The following SATB2 variants were observed in gnomAD, a reference collection of about 807,000 sequenced individuals.
SATB2 encodes the protein SATB homeobox 2, also known as DNA-binding protein SATB2.
A neutral mutation model predicts 73.4 loss-of-function variants in SATB2; 1 was observed. The observed-to-expected ratio is 0.01, with a 90% CI of 0.00 to 0.06. SATB2 has a LOEUF of 0.06. Ranked by LOEUF, SATB2 falls within the 10% of genes least tolerant of loss-of-function variation. SATB2 has a pLI of 1.00. For missense variants in SATB2, 459 were observed against 945.8 expected (o/e 0.49, Z 6.75); for synonymous variants, 397 against 367.0 (o/e 1.08, Z -0.93).
At chr2:199,288,719 T>C (rs1417409879) in intron 10 of SATB2, among the ~76,000 whole-genome samples, 1 of 152,168 alleles carries the variant, frequency 6.6e-6, no homozygotes. Context: ...ATTCCTTTTA[T>C]AGAAAGTAAA....
rs921986235 is a variant in SATB2, at chr2:199,428,146, T to C, written c.346+5192A>G. ...ATATGTTCTATTTTTGTATCAGGAC[T>C]CATTTTGGTCACATAAGCAAGAATT... is the stretch of plus-strand genomic sequence containing the variant. On this transcript the variant is annotated intron_variant, in intron 3 of 10. Coordinates refer to ENST00000417098, the MANE Select transcript of SATB2 (RefSeq NM_001172509.2). 3.9e-5 allele frequency among the ~76,000 whole-genome samples: 6 copies of C among 152,294 alleles called. No homozygotes were observed. The East Asian group carries it at 1.2e-3, about 29-fold the overall frequency.
Position 199,298,174 on chromosome 2 carries a change from A to G in SATB2, c.1740+10586T>C, listed in dbSNP as rs201669473. Among the ~76,000 whole-genome samples the G allele has an allele frequency of 5.9e-5, 9 of 152,324 alleles. No individual in the cohort carries two copies. In the East Asian group the frequency reaches 1.7e-3, roughly 29 times the overall value. On this transcript the variant is annotated intron_variant, in intron 10 of 10. Coordinates refer to ENST00000417098, the MANE Select transcript of SATB2 (RefSeq NM_001172509.2). The stretch of plus-strand genomic sequence containing the variant: ...CGCTCAGAAGCTACTAACATTTCTC[A>G]GGTGCCTTCTATGCAATCACCATCT...
intron 3 of SATB2, among the ~76,000 whole-genome samples, chr2:199,403,499 G>A (rs1176022623): frequency 6.6e-6 from 1 of 152,050 alleles, no homozygotes; most frequent in African/African-American, 2.4e-5. Context: ...TGGGTCACAG[G>A]TAACACCAAG....
rs1352314973 is a variant in SATB2, at chr2:199,457,079, G to A, written c.-60+260C>T. Among the ~76,000 whole-genome samples the A allele has an allele frequency of 6.6e-6, 1 of 152,212 alleles. No homozygotes were observed. Among genetic ancestry groups the A allele is most frequent in the East Asian group, 1.9e-4 (1 of 5,166 alleles). Reference sequence around the variant, plus strand: ...CCCGGCACCGTACTGCGTGCGCGCTGGGAATCCTCGTGGGCGCTCTGGCCG... The same window carrying A: ...CCCGGCACCGTACTGCGTGCGCGCTAGGAATCCTCGTGGGCGCTCTGGCCG... On this transcript the variant is annotated intron_variant, in intron 1 of 10. Coordinates refer to ENST00000417098, the MANE Select transcript of SATB2 (RefSeq NM_001172509.2). This position sits in a 1 kb window ranked among gnomAD's most constrained non-coding sequence, Gnocchi z 4.8.
At chr2:199,372,362 A>T (rs1286834955) in intron 5 of SATB2, among the ~76,000 whole-genome samples, 1 of 152,224 alleles carries the variant, frequency 6.6e-6, no homozygotes, top group Non-Finnish European at 1.5e-5. Context: ...GCCAAACTGC[A>T]AGAGAATAAA....
At position 199,433,501 on chromosome 2, in the gene SATB2, A is replaced by G. The variant is rs768326580; in HGVS notation, c.183T>C (p.Pro61=). 1 of 1,614,204 alleles carries G rather than the reference A, an allele frequency of 6.2e-7. No individual in the cohort carries two copies. Among genetic ancestry groups the G allele is most frequent in the Non-Finnish European group, 8.5e-7 (1 of 1,180,020 alleles). ...VAKAVGGLMI[P]VFCVVEQLDG... ...CCAACTGCTCCACGACACAAAAGAC[A>G]GGAATCATCAAACCTGAAGGGACAA... Residue 61 remains proline (P), a synonymous_variant, in exon 3 of 11, where the codon CCT becomes CCC. Coordinates refer to ENST00000417098, the MANE Select transcript of SATB2 (RefSeq NM_001172509.2).
At chr2:199,458,753 C>G (rs1252490455), upstream of SATB2, 2 of 418,494 alleles carry the variant, frequency 4.8e-6, no homozygotes, top group Non-Finnish European at 4.7e-6. Context: ...TCGCCTCCCC[C>G]ACCCACCGCC....
intron 3 of SATB2, among the ~76,000 whole-genome samples, chr2:199,386,761 CA>C (rs1559022139): frequency 4.0e-5 from 5 of 124,902 alleles, no homozygotes; most frequent in South Asian, 2.7e-4. Flanking sequence ...CACACACACA[CA>C]CACACCTTTG....
At chr2:199,437,265 G>A (rs992351096) in intron 2 of SATB2, among the ~76,000 whole-genome samples, 3 of 152,030 alleles carry the variant, frequency 2.0e-5, no homozygotes, top group Non-Finnish European at 2.9e-5. Context: ...ACAGGCGCTC[G>A]GCCTCAGCCA....
chr2:199,327,959 TGCCC>T (rs1688077353), intron 8 of SATB2, among the ~76,000 whole-genome samples: 2 of 152,266 alleles, frequency 1.3e-5, no homozygotes, highest in South Asian at 4.1e-4. Context: ...CTCTGCCCCC[TGCCC>T]TCAGCCACCT....
chr2:199,393,919 T>A (rs527585986), intron 3 of SATB2, among the ~76,000 whole-genome samples: 61 of 152,332 alleles, frequency 4.0e-4, no homozygotes, highest in Non-Finnish European at 7.3e-4. Context: ...CAGGTTTTTT[T>A]AAACTGAATA....
At chr2:199,376,824 T>C (rs1306174989) in intron 5 of SATB2, among the ~76,000 whole-genome samples, 4 of 152,120 alleles carry the variant, frequency 2.6e-5, no homozygotes, top group African/African-American at 9.7e-5. Flanking sequence ...GGCACTTCAC[T>C]AGCAGTGTCT....
At chr2:199,302,098 C>T (rs1687303634) in intron 10 of SATB2, among the ~76,000 whole-genome samples, 1 of 152,148 alleles carries the variant, frequency 6.6e-6, no homozygotes, top group Non-Finnish European at 1.5e-5. Context: ...AGAAACTGCA[C>T]ATTTCTTTGG....
At chr2:199,357,553 A>G (rs1689022173) in intron 6 of SATB2, among the ~76,000 whole-genome samples, 1 of 152,200 alleles carries the variant, frequency 6.6e-6, no homozygotes, top group South Asian at 2.1e-4. Context: ...CCACATGTAG[A>G]TGGGTCCATA....
intron 10 of SATB2, among the ~76,000 whole-genome samples, chr2:199,275,144 T>C (rs1017423091): frequency 6.6e-6 from 1 of 152,194 alleles, no homozygotes; most frequent in Non-Finnish European, 1.5e-5. Context: ...ACGGTTCCAT[T>C]TAATTGAATA....
At chr2:199,332,530 T>C (rs1688217651) in intron 7 of SATB2, among the ~76,000 whole-genome samples, 2 of 152,150 alleles carry the variant, frequency 1.3e-5, no homozygotes, top group African/African-American at 4.8e-5. Flanking sequence ...TAATGCCATC[T>C]AGCTTGCTCA....
intron 9 of SATB2, among the ~76,000 whole-genome samples, chr2:199,312,540 A>C (rs1687623733): frequency 6.6e-6 from 1 of 152,246 alleles, no homozygotes; most frequent in South Asian, 2.1e-4. Context: ...TAACGGGGTG[A>C]CCTTTGGGCA....
At chr2:199,394,444 A>T (rs1257292523) in intron 3 of SATB2, among the ~76,000 whole-genome samples, 3 of 152,194 alleles carry the variant, frequency 2.0e-5, no homozygotes, top group South Asian at 2.1e-4. Context: ...AGATAAGAAG[A>T]TGGCAAGAAC....
intron 5 of SATB2, among the ~76,000 whole-genome samples, chr2:199,370,946 C>CAAAA (rs67348909): frequency 1.7e-4 from 12 of 69,442 alleles, no homozygotes; most frequent in South Asian, 4.8e-4. Context: ...ATGAACTGAG[C>CAAAA]AAAAAAAAAA....
Sources: allele counts gnomAD v4.1 joint callset (sites outside exome capture counted in the v4.1 genomes callset), GRCh38; gene constraint gnomAD v4.1.1; non-coding constraint Gnocchi (gnomAD v3.1); transcripts MANE v1.5; gene names NCBI Gene and HGNC (gene_info 2026-07-23, HGNC 2026-07-21).